ITGA9: variants seen among roughly 807,000 people sequenced by gnomAD.
ITGA9 encodes integrin alpha-9.
ITGA9 carries 56 observed loss-of-function variants against 127.8 expected under a neutral mutation model. The observed-to-expected ratio is 0.44, with a 90% CI of 0.35 to 0.55. The LOEUF (loss-of-function observed/expected upper bound fraction) is 0.55, where lower values mean the gene tolerates loss of function less well. ITGA9 is among the 20% of genes least tolerant of loss of function. The pLI, the probability that ITGA9 is intolerant of heterozygous loss-of-function variation, is 0.00. For missense variants in ITGA9, 1,196 were observed against 1,347.1 expected (o/e 0.89, Z 1.76); for synonymous variants, 508 against 514.5 (o/e 0.99, Z 0.17).
chr3:37,452,259 G>A lies in ITGA9; in HGVS notation c.-116G>A, dbSNP rs1410614304. 2.3e-5 allele frequency: 11 copies of A among 468,448 alleles called. No homozygotes were observed. The highest frequency in any genetic ancestry group is 1.9e-4 in the Admixed American group (3 of 15,676). 29.0% of individuals were successfully genotyped at this position (468,448 alleles called of 1,614,324 possible). On this transcript the variant is annotated 5_prime_UTR_variant, in exon 1 of 28. In the 5' UTR this introduces an upstream ATG that the reference lacks. Coordinates refer to ENST00000264741, the MANE Select transcript of ITGA9 (RefSeq NM_002207.3). This position sits in a 1 kb window ranked among gnomAD's most constrained non-coding sequence, Gnocchi z 7.3. ...CGGGCCCGACGCCCGCATTCCGCCC[G>A]TGTCCAGGCGCAGAGCTCCCGCCCC...
chr3:37,670,785 G>T (rs761101783), intron 17 of ITGA9, among the ~76,000 whole-genome samples: 2 of 152,180 alleles, frequency 1.3e-5, no homozygotes, highest in Non-Finnish European at 2.9e-5. Flanking sequence ...CAGGAGAAAA[G>T]ATTCAAAATC....
chr3:37,789,675 AG>A (rs1697084268), intron 26 of ITGA9, among the ~76,000 whole-genome samples: 1 of 144,708 alleles, frequency 6.9e-6, no homozygotes, highest in Non-Finnish European at 1.5e-5. Context: ...AGGCTGAGAC[AG>A]GAGAATGGCG....
intron 18 of ITGA9, among the ~76,000 whole-genome samples, chr3:37,698,318 T>C (rs969922708): frequency 6.6e-6 from 1 of 152,362 alleles, no homozygotes; most frequent in Admixed American, 6.5e-5. Context: ...TTTCCTTTGC[T>C]GTGCAGAAGC....
chr3:37,563,819 T>C (rs17036658), intron 15 of ITGA9, among the ~76,000 whole-genome samples: 6,251 of 152,222 alleles, frequency 0.041, 418 homozygotes, highest in African/African-American at 0.14. Context: ...TTTATTTCAG[T>C]CCCTGGTGTT....
chr3:37,784,913 C>A, intron 25 of ITGA9, 64 bp from the exon 26 acceptor site: 1 of 1,343,714 alleles, frequency 7.4e-7, no homozygotes, highest in Non-Finnish European at 1.1e-6. Context: ...CTGCCCAGTC[C>A]CTCTCAAGGC....
At chr3:37,713,990 A>G (rs1303024305) in intron 18 of ITGA9, among the ~76,000 whole-genome samples, 1 of 152,236 alleles carries the variant, frequency 6.6e-6, no homozygotes, top group Non-Finnish European at 1.5e-5. Context: ...CTCCCTCTGC[A>G]GCCTGTGCAG....
At chr3:37,622,144 T>TTC (rs1414649236) in intron 15 of ITGA9, among the ~76,000 whole-genome samples, 4 of 150,820 alleles carry the variant, frequency 2.7e-5, no homozygotes, top group Non-Finnish European at 4.4e-5. Context: ...TTACTTTTTT[T>TTC]TTTTTTTTCC....
At chr3:37,792,013 T>C (rs1697117403) in intron 26 of ITGA9, among the ~76,000 whole-genome samples, 1 of 152,178 alleles carries the variant, frequency 6.6e-6, no homozygotes, top group Admixed American at 6.5e-5. Flanking sequence ...CCTCACATTA[T>C]GCTGAGATGT....
At position 37,711,430 on chromosome 3, in the gene ITGA9, C is replaced by T. The variant is rs111712023; in HGVS notation, c.2068-21282C>T. 3.7e-3 allele frequency among the ~76,000 whole-genome samples: 560 copies of T among 152,280 alleles called. 5 individuals are homozygous for T. The highest frequency in any genetic ancestry group is 0.013 in the African/African-American group (530 of 41,546). On this transcript the variant is annotated intron_variant, in intron 18 of 27. Transcript: ENST00000264741. ...TCTGCCACATTCTGTTTTTCAAAAT[C>T]GAGCCACTAAGTCTGGCCTACATTC...
intron 15 of ITGA9, among the ~76,000 whole-genome samples, chr3:37,622,519 A>G (rs1700137973): frequency 1.3e-5 from 2 of 152,176 alleles, no homozygotes; most frequent in African/African-American, 4.8e-5. Context: ...AGCTTTTTAT[A>G]GATTTTAATA....
At chr3:37,700,640 A>T (rs1456173416) in intron 18 of ITGA9, among the ~76,000 whole-genome samples, 1 of 152,122 alleles carries the variant, frequency 6.6e-6, no homozygotes, top group Non-Finnish European at 1.5e-5. Context: ...GTGAGCCACC[A>T]CACCCGGCCT....
At chr3:37,477,283 G>T (rs1031814543) in intron 3 of ITGA9, among the ~76,000 whole-genome samples, 3 of 152,224 alleles carry the variant, frequency 2.0e-5, no homozygotes, top group African/African-American at 7.2e-5. Flanking sequence ...CCAAGGTTGG[G>T]TTTGAAGAGG....
At chr3:37,561,182 A>G (rs913069154) in intron 15 of ITGA9, among the ~76,000 whole-genome samples, 7 of 152,232 alleles carry the variant, frequency 4.6e-5, no homozygotes, top group African/African-American at 1.7e-4. Context: ...ATAAAAATGT[A>G]TATTATTTAG....
At chr3:37,786,332 C>A (rs577797165) in intron 26 of ITGA9, among the ~76,000 whole-genome samples, 1 of 152,150 alleles carries the variant, frequency 6.6e-6, no homozygotes, top group Non-Finnish European at 1.5e-5. Flanking sequence ...TCTTACAAGA[C>A]CCTGGTTGGG....
At chr3:37,603,489 T>C (rs1227705288) in intron 15 of ITGA9, among the ~76,000 whole-genome samples, 2 of 152,186 alleles carry the variant, frequency 1.3e-5, no homozygotes, top group African/African-American at 4.8e-5. Context: ...CAGTTCCCCA[T>C]GGACATTGAG....
At chr3:37,731,052 G>A (rs1309213356) in intron 18 of ITGA9, among the ~76,000 whole-genome samples, 5 of 152,136 alleles carry the variant, frequency 3.3e-5, no homozygotes, top group African/African-American at 1.2e-4. Flanking sequence ...GGGAAGGAAA[G>A]CTCATAGCAG....
intron 15 of ITGA9, among the ~76,000 whole-genome samples, chr3:37,579,591 T>C (rs948655208): frequency 6.6e-6 from 1 of 152,148 alleles, no homozygotes; most frequent in Non-Finnish European, 1.5e-5. Context: ...ATATTGTAGA[T>C]TGGAATAAAG....
Position 37,481,747 on chromosome 3 carries a change from T to C in ITGA9, c.544+140T>C, listed in dbSNP as rs1366741296. On this transcript the variant is annotated intron_variant, in intron 4 of 27. Transcript: ENST00000264741. ...TAGGGCAGCACTGTTTGCTCCCAGA[T>C]GGTCTCTTGGTCCCCAAGGCCCTGC... 4 of 1,171,200 alleles carry C rather than the reference T, an allele frequency of 3.4e-6. No individual in the cohort carries two copies. In the Admixed American group the frequency reaches 6.9e-5, roughly 20 times the overall value. 72.6% of individuals were successfully genotyped at this position (1,171,200 alleles called of 1,614,324 possible).
At chr3:37,745,040 G>A (rs766237901) in intron 22 of ITGA9, among the ~76,000 whole-genome samples, 2 of 152,198 alleles carry the variant, frequency 1.3e-5, no homozygotes, top group African/African-American at 2.4e-5. Flanking sequence ...TGCCTCTTGC[G>A]TCCTTCCCCA....
Sources: gnomAD v4.1 joint callset for allele counts (sites outside exome capture counted in the v4.1 genomes callset) on GRCh38, gnomAD v4.1.1 for gene constraint, Gnocchi (gnomAD v3.1) non-coding constraint, MANE v1.5 for transcripts, NCBI Gene and HGNC (gene_info 2026-07-23, HGNC 2026-07-21) for gene names.